Variants in NKAIN2 observed in about 807,000 individuals in gnomAD.
NKAIN2 encodes sodium/potassium transporting ATPase interacting 2.
Under a neutral mutation model 32.6 loss-of-function variants are expected in NKAIN2, and 14 were observed. That is an observed-to-expected ratio of 0.43 (90% confidence interval 0.28 to 0.67). The LOEUF (loss-of-function observed/expected upper bound fraction) is 0.67. Among genes scored for constraint, NKAIN2 ranks in the 30% least tolerant of loss-of-function variants. The pLI is 0.17. For missense variants in NKAIN2, 198 were observed against 258.3 expected (o/e 0.77, Z 1.60); for synonymous variants, 80 against 87.2 (o/e 0.92, Z 0.46).
intron 3 of NKAIN2, among the ~76,000 whole-genome samples, chr6:124,361,663 T>C (rs1799292874): frequency 6.6e-6 from 1 of 152,208 alleles, no homozygotes; most frequent in Non-Finnish European, 1.5e-5. Flanking sequence ...TAGATATAAC[T>C]TGTCAATTTG....
chr6:124,542,542 A>G (rs962906612), intron 3 of NKAIN2, among the ~76,000 whole-genome samples: 2 of 152,144 alleles, frequency 1.3e-5, no homozygotes, highest in African/African-American at 4.8e-5. Flanking sequence ...GATTACAAGC[A>G]CTGTTTGAAG....
chr6:124,747,772 G>A (rs1256274183), intron 4 of NKAIN2, among the ~76,000 whole-genome samples: 2 of 151,554 alleles, frequency 1.3e-5, no homozygotes, highest in African/African-American at 4.8e-5. Context: ...CAGATGAGGG[G>A]CATTTGCTTC....
chr6:124,306,071 T>C (rs775846853), intron 2 of NKAIN2, among the ~76,000 whole-genome samples: 2 of 152,210 alleles, frequency 1.3e-5, no homozygotes, highest in East Asian at 1.9e-4. Context: ...TGGATGTTTA[T>C]AATCAGAATC....
intron 1 of NKAIN2, among the ~76,000 whole-genome samples, chr6:124,202,525 T>G (rs73770358): frequency 0.023 from 3,554 of 151,962 alleles, 131 homozygotes; most frequent in African/African-American, 0.082. Context: ...TCAGTAAGCT[T>G]TGGGGGAGAG....
intron 1 of NKAIN2, among the ~76,000 whole-genome samples, chr6:123,916,431 T>C (rs1252711804): frequency 6.6e-6 from 1 of 151,986 alleles, no homozygotes; most frequent in African/African-American, 2.4e-5. Flanking sequence ...TGGCTAATTT[T>C]TTTTGTATTT....
At chr6:124,535,638 A>T (rs1779684154) in intron 3 of NKAIN2, among the ~76,000 whole-genome samples, 1 of 152,224 alleles carries the variant, frequency 6.6e-6, no homozygotes, top group Non-Finnish European at 1.5e-5. Context: ...CCAATACTTC[A>T]TTAGACTTAC....
intron 1 of NKAIN2, among the ~76,000 whole-genome samples, chr6:123,819,462 T>G (rs1241401949): frequency 6.6e-6 from 1 of 152,160 alleles, no homozygotes. Flanking sequence ...CTTGCTAAAA[T>G]TTGTAAGTTA....
chr6:124,630,669 A>G (rs1288218567), intron 3 of NKAIN2, among the ~76,000 whole-genome samples: 1 of 152,290 alleles, frequency 6.6e-6, no homozygotes, highest in Non-Finnish European at 1.5e-5. Flanking sequence ...AAATTTCCTC[A>G]ACATGAAATA....
chr6:124,124,375 A>G (rs1465324589), intron 1 of NKAIN2, among the ~76,000 whole-genome samples: 1 of 152,106 alleles, frequency 6.6e-6, no homozygotes, highest in Non-Finnish European at 1.5e-5. Context: ...TAAACACAGC[A>G]TTAATGGGAA....
intron 1 of NKAIN2, among the ~76,000 whole-genome samples, chr6:124,054,236 A>G (rs545459586): frequency 6.6e-6 from 1 of 152,148 alleles, no homozygotes; most frequent in South Asian, 2.1e-4. Flanking sequence ...CAAGAGAACA[A>G]AGGTGGGAGA....
At chr6:124,028,900 T>C (rs147154522) in intron 1 of NKAIN2, among the ~76,000 whole-genome samples, 1,907 of 82,926 alleles carry the variant, frequency 0.023, 22 homozygotes, top group Non-Finnish European at 0.029. Context: ...TATATATATA[T>C]ATACACATAT....
intron 1 of NKAIN2, among the ~76,000 whole-genome samples, chr6:124,220,982 T>G (rs1384307676): frequency 2.0e-5 from 3 of 152,188 alleles, no homozygotes; most frequent in African/African-American, 7.2e-5. Context: ...CAGATTTTTT[T>G]CAAGAAATTA....
Position 124,159,051 on chromosome 6 carries a change from G to A in NKAIN2, c.55-123954G>A, listed in dbSNP as rs544466775. Among the ~76,000 whole-genome samples, 4 of 152,132 alleles carry A rather than the reference G, an allele frequency of 2.6e-5. No homozygotes were observed. The East Asian group carries it at 5.8e-4, about 22-fold the overall frequency. On this transcript the variant is annotated intron_variant, in intron 1 of 6. Transcript: ENST00000368417. ...ATATTCATACTTCATAGATTTTAGG[G>A]CAATTAGAATGCAAGGATATGGTAG...
At chr6:124,446,676 A>G (rs9491181) in intron 3 of NKAIN2, among the ~76,000 whole-genome samples, 136,530 of 152,136 alleles carry the variant, frequency 0.9, 61,505 homozygotes, top group African/African-American at 0.97. Context: ...TATATAAAAC[A>G]TCAGATGATA....
intron 3 of NKAIN2, among the ~76,000 whole-genome samples, chr6:124,597,332 C>A (rs1181684974): frequency 6.6e-6 from 1 of 151,550 alleles, no homozygotes; most frequent in Non-Finnish European, 1.5e-5. Context: ...GTTAAGGGAG[C>A]CATGCAATAT....
intron 1 of NKAIN2, among the ~76,000 whole-genome samples, chr6:123,915,590 C>T (rs10872275): frequency 0.33 from 49,823 of 152,026 alleles, 9,053 homozygotes; most frequent in East Asian, 0.64. Flanking sequence ...GTTGCTCAGG[C>T]GCAATTTACA....
chr6:124,252,242 A>T (rs1402789234), intron 1 of NKAIN2, among the ~76,000 whole-genome samples: 1 of 152,068 alleles, frequency 6.6e-6, no homozygotes, highest in African/African-American at 2.4e-5. Flanking sequence ...AATTGATGAA[A>T]AATCTACAGG....
At chr6:124,552,204 G>C (rs1425528676) in intron 3 of NKAIN2, among the ~76,000 whole-genome samples, 3 of 152,158 alleles carry the variant, frequency 2.0e-5, no homozygotes. Flanking sequence ...AGCTCTCTCT[G>C]TGCTCCAACT....
At chr6:124,689,252 C>G (rs1774144596) in intron 4 of NKAIN2, among the ~76,000 whole-genome samples, 1 of 152,056 alleles carries the variant, frequency 6.6e-6, no homozygotes, top group African/African-American at 2.4e-5. Flanking sequence ...CCTTTTTTAT[C>G]TACTTATTTG....
Sources: gnomAD v4.1 joint callset for allele counts (sites outside exome capture counted in the v4.1 genomes callset) on GRCh38, gnomAD v4.1.1 for gene constraint, MANE v1.5 for transcripts, NCBI Gene and HGNC (gene_info 2026-07-23, HGNC 2026-07-21) for gene names.